DDX60: variants seen among roughly 807,000 people sequenced by gnomAD.
DDX60 encodes DExD/H-box helicase 60, also known as probable ATP-dependent RNA helicase DDX60.
Under a neutral mutation model 212.8 loss-of-function variants are expected in DDX60, and 165 were observed. That is an observed-to-expected ratio of 0.78 (90% confidence interval 0.68 to 0.88). The LOEUF (loss-of-function observed/expected upper bound fraction) is 0.88, where lower values mean the gene tolerates loss of function less well. Ranked by LOEUF, DDX60 falls within the 40% of genes least tolerant of loss-of-function variation. DDX60 has a pLI of 0.00. For synonymous variants in DDX60, 703 were observed against 685.3 expected (o/e 1.03, Z -0.40); for missense variants, 1,905 against 2,003.9 (o/e 0.95, Z 0.94).
intron 33 of DDX60, among the ~76,000 whole-genome samples, chr4:168,235,243 C>G (rs1188839220): frequency 6.6e-6 from 1 of 151,904 alleles, no homozygotes; most frequent in African/African-American, 2.4e-5. Flanking sequence ...TGGGCTCAAG[C>G]AATCCTCCCA....
chr4:168,229,038 T>C (rs1733355560), intron 33 of DDX60, among the ~76,000 whole-genome samples: 2 of 151,528 alleles, frequency 1.3e-5, no homozygotes, highest in South Asian at 4.2e-4. Context: ...AACTTGCAGC[T>C]CCCACTCAGA....
chr4:168,301,343 C>T (rs991390280), intron 6 of DDX60, among the ~76,000 whole-genome samples: 1 of 150,340 alleles, frequency 6.7e-6, no homozygotes, highest in African/African-American at 2.4e-5. Flanking sequence ...TAAATGCCTT[C>T]TTCCTTGGCA....
intron 13 of DDX60, among the ~76,000 whole-genome samples, chr4:168,280,961 G>C (rs1248355235): frequency 6.6e-6 from 1 of 152,086 alleles, no homozygotes; most frequent in Admixed American, 6.6e-5. Context: ...CCCACATGGT[G>C]AAACCTCTTA....
chr4:168,314,727 T>A (rs1737290832), intron 1 of DDX60, among the ~76,000 whole-genome samples: 1 of 152,130 alleles, frequency 6.6e-6, no homozygotes, highest in Non-Finnish European at 1.5e-5. Flanking sequence ...GTCAATAAGC[T>A]CTTTCTCCCC....
At chr4:168,290,882 G>T (rs1714295864) in intron 8 of DDX60, among the ~76,000 whole-genome samples, 1 of 152,036 alleles carries the variant, frequency 6.6e-6, no homozygotes, top group African/African-American at 2.4e-5. Context: ...AAATGTTTGT[G>T]GACTGGCTTC....
chr4:168,287,510 C>G (rs552291184), intron 9 of DDX60, among the ~76,000 whole-genome samples: 1 of 152,248 alleles, frequency 6.6e-6, no homozygotes, highest in East Asian at 1.9e-4. Context: ...CCACACATAA[C>G]TTTACAACAA....
At chr4:168,240,202 A>T (rs1213800935) in intron 30 of DDX60, among the ~76,000 whole-genome samples, 1 of 152,140 alleles carries the variant, frequency 6.6e-6, no homozygotes, top group Non-Finnish European at 1.5e-5. Flanking sequence ...GCCAAATCAC[A>T]AATGAACTCC....
chr4:168,305,303 A>G (rs544945114), intron 5 of DDX60, among the ~76,000 whole-genome samples: 1 of 152,350 alleles, frequency 6.6e-6, no homozygotes, highest in East Asian at 1.9e-4. Context: ...TACTAACTAA[A>G]GCAATACAAA....
At chr4:168,270,294 G>A (rs1735032974) in intron 19 of DDX60, among the ~76,000 whole-genome samples, 1 of 152,124 alleles carries the variant, frequency 6.6e-6, no homozygotes, top group South Asian at 2.1e-4. Flanking sequence ...ATTAAAGTAT[G>A]ACACCTAGCA....
At chr4:168,285,919 GGAAGGAAGGAAGGAAGGA>G (rs1352436486) in intron 10 of DDX60, among the ~76,000 whole-genome samples, 38 of 134,972 alleles carry the variant, frequency 2.8e-4, no homozygotes, top group African/African-American at 1.1e-3. Flanking sequence ...AAGGAAGGAA[GGAAGGAAGGAAGGAAGGA>G]AGGGAGGAAG....
chr4:168,227,749 CTTA>C (rs1197731715), intron 33 of DDX60, among the ~76,000 whole-genome samples: 1 of 151,902 alleles, frequency 6.6e-6, no homozygotes, highest in Non-Finnish European at 1.5e-5. Flanking sequence ...TATAAGCATT[CTTA>C]TGTTTGCTTT....
intron 33 of DDX60, among the ~76,000 whole-genome samples, chr4:168,226,936 C>G (rs1733276417): frequency 1.3e-5 from 2 of 152,150 alleles, no homozygotes; most frequent in Non-Finnish European, 2.9e-5. Context: ...CAAAAAATAG[C>G]TAGAAAGACT....
chr4:168,278,037 T>C lies in DDX60; in HGVS notation c.1979-1856A>G, dbSNP rs575240115. Among the ~76,000 whole-genome samples the C allele has an allele frequency of 1.2e-4, 19 of 152,130 alleles. 1 individual carries two copies. Among genetic ancestry groups the C allele is most frequent in the South Asian group, 4.1e-4 (2 of 4,824 alleles). On this transcript the variant is annotated intron_variant, in intron 14 of 37. Coordinates refer to ENST00000393743, the MANE Select transcript of DDX60 (RefSeq NM_017631.6). ...TGATCAGATTGACTGCATTGATGCC[T>C]CAGTGTTGGTGTTCAAATAACCCTT...
intron 9 of DDX60, among the ~76,000 whole-genome samples, 192 bp from the exon 10 acceptor site, chr4:168,287,395 AT>A (rs1210743090): frequency 1.3e-5 from 2 of 152,206 alleles, no homozygotes; most frequent in Admixed American, 6.5e-5. Flanking sequence ...TGTAAAGTTT[AT>A]CTTGTTTTTA....
In DDX60 at chr4:168,259,750, A is replaced by C. The variant is rs187906035; in HGVS notation, c.3398+1115T>G. ...CTTTGATGTCCAACGAAATTGCACT[A>C]TTTTGTTCAATTTTAAGCTATTTGA... is the stretch of plus-strand genomic sequence containing the variant. On this transcript the variant is annotated intron_variant, in intron 25 of 37. Coordinates refer to ENST00000393743, the MANE Select transcript of DDX60 (RefSeq NM_017631.6). Among the ~76,000 whole-genome samples the C allele has an allele frequency of 1.8e-4, 27 of 151,184 alleles. 1 individual carries two copies. The highest frequency in any genetic ancestry group is 5.3e-4 in the Admixed American group (8 of 15,074).
chr4:168,287,302 C>T (rs1735903124), intron 9 of DDX60, 99 bp from the exon 10 acceptor site: 2 of 1,159,564 alleles, frequency 1.7e-6, no homozygotes, highest in African/African-American at 1.6e-5. Context: ...TTCTGAAATA[C>T]TTTCCACATA....
intron 8 of DDX60, among the ~76,000 whole-genome samples, chr4:168,291,411 A>G (rs901804620): frequency 1.3e-5 from 2 of 152,240 alleles, no homozygotes; most frequent in South Asian, 4.1e-4. Flanking sequence ...TGAAAGTAAT[A>G]AACTACAAAA....
Position 168,268,864 on chromosome 4 carries a change from G to A in DDX60, c.2776C>T (p.His926Tyr). Residue 926 changes from histidine (H) to tyrosine (Y), a missense_variant, in exon 20 of 38, where the codon CAT (histidine) becomes TAT (tyrosine). Transcript: ENST00000393743. ...ALSATISNPE[H>Y]LTEWLQSVKW... Reference sequence around the variant, plus strand: ...AAACTTAATGCCTACTCGGTGAGATGTTCAGGATTACTTATGGTAGCTGAA... The same window carrying A: ...AAACTTAATGCCTACTCGGTGAGATATTCAGGATTACTTATGGTAGCTGAA... The A allele has an allele frequency of 1.3e-6, 2 of 1,566,090 alleles. No homozygotes were observed. Among genetic ancestry groups the A allele is most frequent in the Non-Finnish European group, 1.7e-6 (2 of 1,148,420 alleles).
chr4:168,316,664 T>C (rs868358719), intron 1 of DDX60, among the ~76,000 whole-genome samples: 3 of 152,076 alleles, frequency 2.0e-5, no homozygotes, highest in African/African-American at 4.8e-5. Flanking sequence ...GAAGGAATGA[T>C]AGAATTAGAA....
Sources: allele counts gnomAD v4.1 joint callset (sites outside exome capture counted in the v4.1 genomes callset), GRCh38; gene constraint gnomAD v4.1.1; transcripts MANE v1.5; gene names NCBI Gene and HGNC (gene_info 2026-07-23, HGNC 2026-07-21).